The following NBEA variants were observed in gnomAD, a reference collection of about 807,000 sequenced individuals.
The protein encoded by NBEA is neurobeachin.
A neutral mutation model predicts 343.4 loss-of-function variants in NBEA; 44 were observed. That is an observed-to-expected ratio of 0.13 (90% CI 0.10 to 0.16). The LOEUF is 0.16. Ranked by LOEUF, NBEA falls within the 10% of genes least tolerant of loss-of-function variation. The pLI is 1.00. For synonymous variants in NBEA, 1,175 were observed against 1,238.7 expected (o/e 0.95, Z 1.08); for missense variants, 2,555 against 3,631.3 (o/e 0.70, Z 7.62).
intron 34 of NBEA, among the ~76,000 whole-genome samples, chr13:35,238,964 G>A (rs1360447247): frequency 6.6e-6 from 1 of 152,116 alleles, no homozygotes; most frequent in African/African-American, 2.4e-5. Context: ...CAGATCATTT[G>A]TAGTAGCATT....
At position 35,181,349 on chromosome 13, in the gene NBEA, G is replaced by T. The variant is rs1018714747; in HGVS notation, c.4663-1011G>T. ...TAATAACTATTATTTTTTTATTATG[G>T]CCATTCTTGTGAGAGTAAGGTGGTA... On this transcript the variant is annotated intron_variant, in intron 28 of 58. Transcript: ENST00000379939. Among the ~76,000 whole-genome samples the T allele has an allele frequency of 3.3e-5, 5 of 151,560 alleles. No homozygotes were observed. In the East Asian group the frequency reaches 7.7e-4, roughly 23 times the overall value.
intron 1 of NBEA, among the ~76,000 whole-genome samples, chr13:34,961,476 C>T (rs189426837): frequency 1.7e-4 from 26 of 152,170 alleles, no homozygotes; most frequent in Non-Finnish European, 3.4e-4. Context: ...GGCTTCCCCT[C>T]CTCCTGCACG....
At chr13:35,657,600 G>A (rs2084875855) in intron 55 of NBEA, among the ~76,000 whole-genome samples, 1 of 152,100 alleles carries the variant, frequency 6.6e-6, no homozygotes, top group African/African-American at 2.4e-5. Context: ...CTCAAGAATG[G>A]TACATTATCA....
At chr13:34,970,513 T>C (rs896010737) in intron 1 of NBEA, among the ~76,000 whole-genome samples, 2 of 152,140 alleles carry the variant, frequency 1.3e-5, no homozygotes, top group Non-Finnish European at 2.9e-5. Flanking sequence ...TATAATTTTG[T>C]GTTTTATATT....
chr13:35,394,813 G>GT (rs1277646872), intron 38 of NBEA, among the ~76,000 whole-genome samples: 12 of 151,526 alleles, frequency 7.9e-5, no homozygotes, highest in African/African-American at 2.4e-4. Context: ...GTTTTGTTTT[G>GT]TTTTTTTCTA....
At chr13:35,184,383 T>G (rs2071539150) in intron 30 of NBEA, among the ~76,000 whole-genome samples, 1 of 152,050 alleles carries the variant, frequency 6.6e-6, no homozygotes, top group Admixed American at 6.6e-5. Context: ...ATGAGCCTAA[T>G]ATAAAGGCTA....
intron 41 of NBEA, among the ~76,000 whole-genome samples, chr13:35,499,081 G>A (rs1422577281): frequency 6.6e-6 from 1 of 151,950 alleles, no homozygotes; most frequent in African/African-American, 2.4e-5. Context: ...AGCTGTTTTG[G>A]GTTTTCTTTT....
intron 36 of NBEA, among the ~76,000 whole-genome samples, chr13:35,333,401 T>A (rs369726825): frequency 6.6e-6 from 1 of 152,106 alleles, no homozygotes; most frequent in Non-Finnish European, 1.5e-5. Flanking sequence ...TTTTTAAAAT[T>A]TTTTATTTTT....
At chr13:35,179,624 A>T in intron 28 of NBEA, 1 of 200,526 alleles carries the variant, frequency 5.0e-6, no homozygotes, top group Non-Finnish European at 8.9e-6. Flanking sequence ...ACAGCAGTTT[A>T]GTGTCTGTTA....
intron 38 of NBEA, among the ~76,000 whole-genome samples, chr13:35,379,117 A>G (rs1418032126): frequency 6.6e-6 from 1 of 151,892 alleles, no homozygotes. Context: ...TCTGTTGAGC[A>G]TATACCTAGG....
chr13:35,311,016 A>G (rs1446736191), intron 36 of NBEA, among the ~76,000 whole-genome samples: 3 of 152,026 alleles, frequency 2.0e-5, no homozygotes, highest in Non-Finnish European at 4.4e-5. Flanking sequence ...ATATTTTGTG[A>G]CCTAATCATG....
chr13:35,024,355 C>T (rs930029510), intron 1 of NBEA, among the ~76,000 whole-genome samples: 1 of 152,088 alleles, frequency 6.6e-6, no homozygotes, highest in Non-Finnish European at 1.5e-5. Context: ...GATGTATACC[C>T]AGTAATGGGA....
At chr13:35,216,913 C>A (rs1422141447) in intron 33 of NBEA, among the ~76,000 whole-genome samples, 1 of 151,720 alleles carries the variant, frequency 6.6e-6, no homozygotes, top group South Asian at 2.1e-4. Context: ...GGATAAGTAC[C>A]CAAGAGTGAG....
chr13:35,203,133 A>G (rs1282213026), intron 31 of NBEA, among the ~76,000 whole-genome samples: 1 of 152,150 alleles, frequency 6.6e-6, no homozygotes, highest in African/African-American at 2.4e-5. Context: ...TAGTCCTATT[A>G]TAACATAAGG....
At chr13:35,367,389 T>C (rs1252378164) in intron 38 of NBEA, among the ~76,000 whole-genome samples, 5 of 151,380 alleles carry the variant, frequency 3.3e-5, no homozygotes, top group Admixed American at 3.3e-4. Context: ...AAATAAATGG[T>C]CAACTATTTT....
chr13:34,952,308 A>T (rs2152484486), intron 1 of NBEA, among the ~76,000 whole-genome samples: 1 of 152,334 alleles, frequency 6.6e-6, no homozygotes, highest in East Asian at 1.9e-4. Flanking sequence ...CAGGCTATTC[A>T]GAGGAAATTA....
chr13:35,498,838 C>T (rs1216205446), intron 41 of NBEA, among the ~76,000 whole-genome samples: 1 of 151,876 alleles, frequency 6.6e-6, no homozygotes, highest in Non-Finnish European at 1.5e-5. Flanking sequence ...CCCCTTATAC[C>T]TTATGCTCAG....
chr13:35,619,057 GT>G lies in NBEA; in HGVS notation c.7450-9014del, dbSNP rs574922800. ...AGAAAATGTTTCCTTTTTAAGCTGG[GT>G]TTTTTTTTTAAGTAGATTATACCCC... is the stretch of plus-strand genomic sequence containing the variant. On this transcript the variant is annotated intron_variant, in intron 48 of 58. Coordinates refer to ENST00000379939, the MANE Select transcript of NBEA (RefSeq NM_001385012.1). Among the ~76,000 whole-genome samples, 133 of 143,490 alleles carry G rather than the reference GT, an allele frequency of 9.3e-4. 1 individual carries two copies. Among genetic ancestry groups the G allele is most frequent in the East Asian group, 6.6e-3 (32 of 4,864 alleles). 94.1% of individuals were successfully genotyped at this position (143,490 alleles called of 152,430 possible). A position where few individuals can be genotyped will look rare whatever the true frequency, so the allele number is the denominator to read the frequency against.
intron 51 of NBEA, among the ~76,000 whole-genome samples, chr13:35,646,822 A>T (rs1392264096): frequency 6.6e-6 from 1 of 152,216 alleles, no homozygotes; most frequent in Non-Finnish European, 1.5e-5. Context: ...GGTTAAGAGT[A>T]AGGGCCCCAG....
Sources: allele counts gnomAD v4.1 joint callset (sites outside exome capture counted in the v4.1 genomes callset), GRCh38; gene constraint gnomAD v4.1.1; transcripts MANE v1.5; gene names NCBI Gene and HGNC (gene_info 2026-07-23, HGNC 2026-07-21).